CNTNAP2: variants seen among roughly 807,000 people sequenced by gnomAD.
CNTNAP2 encodes the protein contactin-associated protein-like 2.
CNTNAP2 carries 98 observed loss-of-function variants against 155.2 expected under a neutral mutation model. The observed-to-expected ratio is 0.63, with a 90% CI of 0.54 to 0.75. The LOEUF is 0.75. Among genes scored for constraint, CNTNAP2 ranks in the 30% least tolerant of loss-of-function variants. The pLI is 0.00. For synonymous variants in CNTNAP2, 651 were observed against 631.2 expected, an observed-to-expected ratio of 1.03 and a Z score of -0.47; for missense variants, 1,727 against 1,688.1, an observed-to-expected ratio of 1.02 and a Z score of -0.40.
intron 13 of CNTNAP2, among the ~76,000 whole-genome samples, chr7:147,710,253 G>A (rs1796383506): frequency 6.6e-6 from 1 of 152,122 alleles, no homozygotes; most frequent in Admixed American, 6.5e-5. Context: ...TATGTGCACT[G>A]ACCATTCAAC....
chr7:146,316,035 A>G (rs1171352807), intron 1 of CNTNAP2, among the ~76,000 whole-genome samples: 1 of 152,198 alleles, frequency 6.6e-6, no homozygotes, highest in Admixed American at 6.5e-5. Flanking sequence ...CAGAAGATAC[A>G]TGATCATTTC....
chr7:146,549,845 G>T (rs1206902500), intron 1 of CNTNAP2, among the ~76,000 whole-genome samples: 1 of 152,022 alleles, frequency 6.6e-6, no homozygotes, highest in Non-Finnish European at 1.5e-5. Context: ...GCCTGTCAAA[G>T]TCCAACACAA....
chr7:146,213,610 G>A (rs1799069570), intron 1 of CNTNAP2, among the ~76,000 whole-genome samples: 2 of 152,124 alleles, frequency 1.3e-5, no homozygotes. Flanking sequence ...ACTCTGGTTA[G>A]TAGAACACTT....
At chr7:146,393,591 C>G (rs560480837) in intron 1 of CNTNAP2, among the ~76,000 whole-genome samples, 1 of 152,266 alleles carries the variant, frequency 6.6e-6, no homozygotes, top group African/African-American at 2.4e-5. Flanking sequence ...TGGAGCCTCC[C>G]TAACTCAAGT....
At chr7:147,708,187 A>G (rs536587991) in intron 13 of CNTNAP2, among the ~76,000 whole-genome samples, 7 of 152,274 alleles carry the variant, frequency 4.6e-5, no homozygotes, top group African/African-American at 1.4e-4. Flanking sequence ...TGTTTAGGGA[A>G]CACACATTTT....
At chr7:146,391,847 G>A (rs1278194633) in intron 1 of CNTNAP2, among the ~76,000 whole-genome samples, 3 of 152,098 alleles carry the variant, frequency 2.0e-5, no homozygotes, top group Non-Finnish European at 2.9e-5. Context: ...GAGGATAGAG[G>A]GTAGAAGGAA....
Position 146,163,585 on chromosome 7 carries a change from C to CTATCTATATATATATATATA in CNTNAP2, c.97+46615_97+46616insCTATATATATATATATATAT, listed in dbSNP as rs1354076042. Among the ~76,000 whole-genome samples, 424 of 91,156 alleles carry CTATCTATATATATATATATA rather than the reference C, an allele frequency of 4.7e-3. 3 individuals carry two copies. The highest frequency in any genetic ancestry group is 0.016 in the African/African-American group (401 of 24,906). The allele number at this position is 91,156 out of a possible 152,430, so 59.8% of individuals were successfully genotyped here. A position where few individuals can be genotyped will look rare whatever the true frequency, so the allele number is the denominator to read the frequency against. On this transcript the variant is annotated intron_variant, in intron 1 of 23. Transcript: ENST00000361727. ...TATCTATCTATATCTATCTATCTATCTATATATATATATATATCAGGGCGT... is the reference window on the plus strand; with the variant it reads ...TATCTATCTATATCTATCTATCTATCTATCTATATATATATATATATATATATATATATATATCAGGGCGT...
intron 1 of CNTNAP2, among the ~76,000 whole-genome samples, chr7:146,356,679 A>G (rs998450184): frequency 6.6e-6 from 1 of 152,216 alleles, no homozygotes; most frequent in Non-Finnish European, 1.5e-5. Context: ...ATGTTATTCA[A>G]TTCATCCTAA....
At position 148,330,500 on chromosome 7, in the gene CNTNAP2, G is replaced by A. The variant is rs1197411114; in HGVS notation, c.3476-53149G>A. On this transcript the variant is annotated intron_variant, in intron 21 of 23. Transcript: ENST00000361727. Reference sequence around the variant, plus strand: ...AGTGGACGGATGGAGTGGATGGATGGATGGAGTGGATGGATGGAGTGGATG... The same window carrying A: ...AGTGGACGGATGGAGTGGATGGATGAATGGAGTGGATGGATGGAGTGGATG... Among the ~76,000 whole-genome samples the A allele has an allele frequency of 2.0e-5, 3 of 151,442 alleles. No individual in the cohort carries two copies. In the East Asian group the frequency reaches 5.8e-4, roughly 29 times the overall value.
At chr7:146,437,108 G>T (rs1796254892) in intron 1 of CNTNAP2, among the ~76,000 whole-genome samples, 1 of 151,378 alleles carries the variant, frequency 6.6e-6, no homozygotes, top group Non-Finnish European at 1.5e-5. Flanking sequence ...TTGGCGTTAG[G>T]TTCTCATAGG....
chr7:146,881,877 G>A (rs1307683186), intron 3 of CNTNAP2, among the ~76,000 whole-genome samples: 1 of 151,126 alleles, frequency 6.6e-6, no homozygotes, highest in Non-Finnish European at 1.5e-5. Flanking sequence ...ATATTGCATG[G>A]TGCTGAGGTT....
intron 1 of CNTNAP2, among the ~76,000 whole-genome samples, chr7:146,397,198 C>T (rs1584905804): frequency 6.6e-6 from 1 of 152,138 alleles, no homozygotes; most frequent in Non-Finnish European, 1.5e-5. Flanking sequence ...TCCATTTTCT[C>T]TTGATTGACA....
intron 13 of CNTNAP2, among the ~76,000 whole-genome samples, chr7:147,713,265 T>C (rs1388385018): frequency 6.6e-6 from 1 of 152,154 alleles, no homozygotes; most frequent in Non-Finnish European, 1.5e-5. Context: ...TAATCACCAC[T>C]ACAATTAAGG....
At chr7:147,488,546 A>T (rs573240283) in intron 11 of CNTNAP2, among the ~76,000 whole-genome samples, 1 of 140,590 alleles carries the variant, frequency 7.1e-6, no homozygotes, top group Admixed American at 7.4e-5. Flanking sequence ...TTTAAATAGT[A>T]TTTTTTTTTA....
chr7:146,967,189 A>T (rs1797675150), intron 3 of CNTNAP2, among the ~76,000 whole-genome samples: 1 of 152,220 alleles, frequency 6.6e-6, no homozygotes, highest in African/African-American at 2.4e-5. Context: ...TAAAGATGTC[A>T]GGTGGAAAAT....
At chr7:147,876,321 C>A (rs1255501189) in intron 13 of CNTNAP2, among the ~76,000 whole-genome samples, 2 of 152,092 alleles carry the variant, frequency 1.3e-5, no homozygotes, top group African/African-American at 4.8e-5. Context: ...ATTATTAGTG[C>A]TGCTGTGCGA....
chr7:147,516,940 C>T (rs561330227), intron 11 of CNTNAP2, among the ~76,000 whole-genome samples: 9 of 149,582 alleles, frequency 6.0e-5, no homozygotes, highest in East Asian at 2.0e-4. Context: ...CGGCTCACTG[C>T]GACCACTGCC....
intron 21 of CNTNAP2, among the ~76,000 whole-genome samples, chr7:148,272,336 T>C (rs1372486054): frequency 6.6e-6 from 1 of 152,220 alleles, no homozygotes; most frequent in Non-Finnish European, 1.5e-5. Context: ...AGTGATGTCA[T>C]AGACTTTATC....
intron 3 of CNTNAP2, among the ~76,000 whole-genome samples, chr7:146,921,572 G>T (rs1796498411): frequency 6.6e-6 from 1 of 152,126 alleles, no homozygotes; most frequent in Non-Finnish European, 1.5e-5. Flanking sequence ...AGGAGGAGCA[G>T]AGTCACGTTT....
Sources: gnomAD v4.1 joint callset for allele counts (sites outside exome capture counted in the v4.1 genomes callset) on GRCh38, gnomAD v4.1.1 for gene constraint, MANE v1.5 for transcripts, NCBI Gene and HGNC (gene_info 2026-07-23, HGNC 2026-07-21) for gene names.